The following KAT6B variants were observed in gnomAD, a reference collection of about 807,000 sequenced individuals.
The protein encoded by KAT6B is lysine acetyltransferase 6B.
In KAT6B, 10 loss-of-function variants were observed where a neutral mutation model predicts 187.5. That is an observed-to-expected ratio of 0.05 (90% CI 0.03 to 0.09). KAT6B has a LOEUF of 0.09. KAT6B is among the 10% of genes least tolerant of loss of function. The pLI, the probability that KAT6B is intolerant of heterozygous loss-of-function variation, is 1.00. For synonymous variants in KAT6B, 861 were observed against 926.8 expected (o/e 0.93, Z 1.29); for missense variants, 1,952 against 2,558.9 (o/e 0.76, Z 5.12).
Position 75,029,703 on chromosome 10 carries a change from G to C in KAT6B, c.4879G>C (p.Ala1627Pro), listed in dbSNP as rs199792793. Residue 1627 changes from alanine to proline, a missense_variant, in exon 18 of 18, where the codon GCC (alanine) becomes CCC (proline). Transcript: ENST00000287239. The surrounding 1 kb of genome is among the most constrained non-coding windows in gnomAD (Gnocchi z 6.2). ...TGTCCCTGCTCTGGAAAACAGCTAC[G>C]CCCAAATCAGCCCAGATCAAAGTGC... ...PSVPALENSY[A>P]QISPDQSAIS... The C allele has an allele frequency of 6.2e-7, 1 of 1,613,912 alleles. No homozygotes were observed. The highest frequency in any genetic ancestry group is 2.2e-5 in the East Asian group (1 of 44,880).
Position 74,826,761 on chromosome 10 carries a change from CGCGGTG to C in KAT6B, c.-343_-338del, listed in dbSNP as rs1488118558. On this transcript the variant is annotated 5_prime_UTR_variant, in exon 1 of 18. Transcript: ENST00000287239. ...AGGCAGCGGCAGCGCCCCCGGCAGG[CGCGGTG>C]GCGGTGGCGCGCAGCCAGGTCTGTC... The C allele has an allele frequency of 6.6e-6, 1 of 151,798 alleles. No homozygotes were observed. Among genetic ancestry groups the C allele is most frequent in the Non-Finnish European group, 1.5e-5 (1 of 67,758 alleles). 9.4% of individuals were successfully genotyped at this position (151,798 alleles called of 1,614,324 possible). A position where few individuals can be genotyped will look rare whatever the true frequency, so the allele number is the denominator to read the frequency against.
At position 75,031,728 on chromosome 10, in the gene KAT6B, C is replaced by G. The variant is rs2134262328; in HGVS notation, c.*682C>G. 4.7e-6 allele frequency: 1 copy of G among 211,414 alleles called. No homozygotes were observed. The highest frequency in any genetic ancestry group is 7.2e-5 in the East Asian group (1 of 13,952). 13.1% of individuals were successfully genotyped at this position (211,414 alleles called of 1,614,324 possible). A position where few individuals can be genotyped will look rare whatever the true frequency, so the allele number is the denominator to read the frequency against. On this transcript the variant is annotated 3_prime_UTR_variant, in exon 18 of 18. Coordinates refer to ENST00000287239, the MANE Select transcript of KAT6B (RefSeq NM_012330.4). ...AAATGTTTGGTGTAAAGTTGAGACC[C>G]TTTTCCATTTTGGTGACAGATTTCT...
chr10:74,985,710 C>G (rs926746538), intron 12 of KAT6B, among the ~76,000 whole-genome samples: 1 of 152,174 alleles, frequency 6.6e-6, no homozygotes, highest in African/African-American at 2.4e-5. Flanking sequence ...CTCTTATTCT[C>G]TGTGCTATGG....
At chr10:74,909,743 G>A (rs1364586596) in intron 3 of KAT6B, among the ~76,000 whole-genome samples, 1 of 152,118 alleles carries the variant, frequency 6.6e-6, no homozygotes, top group Non-Finnish European at 1.5e-5. Context: ...CTTCCCCCAA[G>A]TTCTTTGTCT....
chr10:74,989,110 T>G lies in KAT6B; in HGVS notation c.2627T>G (p.Phe876Cys). The change falls in exon 13 of 18, where the codon TTC (phenylalanine) becomes TGC (cysteine). Residue 876 changes from phenylalanine to cysteine, a missense_variant and splice_region_variant. Transcript: ENST00000287239. The stretch of plus-strand genomic sequence containing the variant: ...GGATTTGGACGGTTTCTCATTGATT[T>G]CAGTAAGTGAAGTACTTTATTTACT... ...RQGFGRFLID[F>C]SYLLSRREGQ... The G allele has an allele frequency of 6.2e-7, 1 of 1,605,886 alleles. No homozygotes were observed. Among genetic ancestry groups the G allele is most frequent in the Non-Finnish European group, 8.5e-7 (1 of 1,172,428 alleles).
chr10:74,912,297 T>TA (rs772596734), intron 3 of KAT6B, among the ~76,000 whole-genome samples: 2 of 151,936 alleles, frequency 1.3e-5, no homozygotes, highest in African/African-American at 4.8e-5. Flanking sequence ...TTGTCTCATG[T>TA]ATGTATGTAT....
Position 75,028,821 on chromosome 10 carries a change from G to C in KAT6B, c.3997G>C (p.Val1333Leu), listed in dbSNP as rs997181148. 6.2e-7 allele frequency: 1 copy of C among 1,613,946 alleles called. No homozygotes were observed. Among genetic ancestry groups the C allele is most frequent in the Non-Finnish European group, 8.5e-7 (1 of 1,180,030 alleles). The change falls in exon 18 of 18, where the codon GTA becomes CTA. Residue 1333 changes from valine to leucine, a missense_variant. By Grantham distance (32) the Val-to-Leu change is conservative. Coordinates refer to ENST00000287239, the MANE Select transcript of KAT6B (RefSeq NM_012330.4). Reference sequence around the variant, plus strand: ...CAGAAGGGAAGAAACATGTGCCCCTGTAAGTCCAAACACATCACCAGGTGA... The same window carrying C: ...CAGAAGGGAAGAAACATGTGCCCCTCTAAGTCCAAACACATCACCAGGTGA... ...ENRREETCAP[V>L]SPNTSPGEKP...
chr10:74,955,086 T>C (rs2133448373), intron 3 of KAT6B, among the ~76,000 whole-genome samples: 1 of 152,290 alleles, frequency 6.6e-6, no homozygotes, highest in African/African-American at 2.4e-5. Context: ...TTATGTAAAA[T>C]GGTGCAGTAT....
intron 3 of KAT6B, among the ~76,000 whole-genome samples, chr10:74,869,994 A>G (rs1430912113): frequency 6.6e-6 from 1 of 152,094 alleles, no homozygotes; most frequent in Non-Finnish European, 1.5e-5. Context: ...CAAACATGAG[A>G]CCTGGCTGGG....
chr10:74,899,556 T>C (rs1846241723), intron 3 of KAT6B, among the ~76,000 whole-genome samples: 1 of 152,206 alleles, frequency 6.6e-6, no homozygotes, highest in African/African-American at 2.4e-5. Flanking sequence ...ATTACAGGCA[T>C]GAGCCACCGC....
chr10:75,018,800 C>T (rs947317699), intron 13 of KAT6B, among the ~76,000 whole-genome samples: 4 of 152,154 alleles, frequency 2.6e-5, no homozygotes, highest in African/African-American at 9.7e-5. Context: ...GACTTTCACA[C>T]TCACTGCAGG....
intron 7 of KAT6B, among the ~76,000 whole-genome samples, chr10:74,974,218 C>T (rs867129444): frequency 1.3e-5 from 2 of 152,156 alleles, no homozygotes; most frequent in South Asian, 4.1e-4. Flanking sequence ...GAGTCCCTGG[C>T]AGTAGAGCCA....
In KAT6B at chr10:75,021,007, G is replaced by A; in HGVS notation, c.2862-119G>A. On this transcript the variant is annotated intron_variant, in intron 14 of 17. Coordinates refer to ENST00000287239, the MANE Select transcript of KAT6B (RefSeq NM_012330.4). ...TTCCAGTGTTCTGTACCCTCTCATTGAGGTGCTTTCTGATTTTTCCTAACG... is the reference window on the plus strand; with the variant it reads ...TTCCAGTGTTCTGTACCCTCTCATTAAGGTGCTTTCTGATTTTTCCTAACG... The A allele has an allele frequency of 2.8e-6, 3 of 1,063,836 alleles. No individual in the cohort carries two copies. The South Asian group carries it at 3.8e-5, about 13-fold the overall frequency. 65.9% of individuals were successfully genotyped at this position (1,063,836 alleles called of 1,614,324 possible). A position where few individuals can be genotyped will look rare whatever the true frequency, so the allele number is the denominator to read the frequency against.
intron 3 of KAT6B, among the ~76,000 whole-genome samples, chr10:74,918,940 G>A (rs113517059): frequency 0.025 from 3,793 of 152,012 alleles, 158 homozygotes; most frequent in African/African-American, 0.085. Context: ...TCTCTGGGCC[G>A]TGCATGGTGG....
At chr10:74,921,004 T>A (rs1443563907) in intron 3 of KAT6B, among the ~76,000 whole-genome samples, 2 of 152,176 alleles carry the variant, frequency 1.3e-5, no homozygotes, top group East Asian at 3.8e-4. Flanking sequence ...GATGAAAATA[T>A]GTTTATAATT....
At chr10:75,020,457 A>G in intron 13 of KAT6B, 125 bp from the exon 14 acceptor site, 1 of 724,668 alleles carries the variant, frequency 1.4e-6, no homozygotes, top group Non-Finnish European at 2.4e-6. Context: ...TACATTCCTA[A>G]AGCGAATGCA....
At chr10:74,888,515 C>T (rs2132610730) in intron 3 of KAT6B, among the ~76,000 whole-genome samples, 1 of 152,068 alleles carries the variant, frequency 6.6e-6, no homozygotes, top group East Asian at 1.9e-4. Flanking sequence ...TAGTGAATTA[C>T]ACATTAAAGC....
intron 13 of KAT6B, among the ~76,000 whole-genome samples, chr10:75,009,734 A>C (rs1844464069): frequency 6.6e-6 from 1 of 152,160 alleles, no homozygotes; most frequent in African/African-American, 2.4e-5. Flanking sequence ...GGCCGGGCGC[A>C]GTGGCTCATG....
intron 2 of KAT6B, among the ~76,000 whole-genome samples, chr10:74,842,289 A>G (rs1034322696): frequency 6.6e-6 from 1 of 152,228 alleles, no homozygotes; most frequent in African/African-American, 2.4e-5. Flanking sequence ...TATGGCAGAC[A>G]TATACCTCAA....
Sources: allele counts gnomAD v4.1 joint callset (sites outside exome capture counted in the v4.1 genomes callset), GRCh38; gene constraint gnomAD v4.1.1; non-coding constraint Gnocchi (gnomAD v3.1); transcripts MANE v1.5; gene names NCBI Gene and HGNC (gene_info 2026-07-23, HGNC 2026-07-21).